The following PTPRG variants were observed in gnomAD, a reference collection of about 807,000 sequenced individuals.
The protein encoded by PTPRG is receptor-type tyrosine-protein phosphatase gamma.
A neutral mutation model predicts 165.3 loss-of-function variants in PTPRG; 102 were observed. The observed-to-expected ratio is 0.62, with a 90% confidence interval of 0.53 to 0.73. The LOEUF (loss-of-function observed/expected upper bound fraction) is 0.73, where lower values mean the gene tolerates loss of function less well. PTPRG is among the 30% of genes least tolerant of loss of function. The pLI is 0.00. For synonymous variants in PTPRG, 675 were observed against 669.5 expected, an observed-to-expected ratio of 1.01 and a Z score of -0.13; for missense variants, 1,866 against 1,861.4, an observed-to-expected ratio of 1.00 and a Z score of -0.05.
chr3:62,178,136 AGGATGGATGGATGGATGGAT>A (rs66547961), intron 8 of PTPRG, among the ~76,000 whole-genome samples: 2 of 141,536 alleles, frequency 1.4e-5, no homozygotes, highest in Admixed American at 7.1e-5. Flanking sequence ...AATGGATGGG[AGGATGGATGGATGGATGGAT>A]GGATGGATGG....
chr3:62,056,692 A>C (rs960273601), intron 4 of PTPRG, among the ~76,000 whole-genome samples: 1 of 152,206 alleles, frequency 6.6e-6, no homozygotes, highest in Non-Finnish European at 1.5e-5. Flanking sequence ...AAATGTTCCC[A>C]GACATTACCA....
chr3:61,621,022 A>AGT (rs1311209297), intron 1 of PTPRG, among the ~76,000 whole-genome samples: 5,549 of 105,902 alleles, frequency 0.052, 366 homozygotes, highest in African/African-American at 0.13. Flanking sequence ...CCCATGCCCC[A>AGT]GTGTGTGTGT....
intron 1 of PTPRG, among the ~76,000 whole-genome samples, chr3:61,652,841 G>A (rs1045830105): frequency 1.3e-5 from 2 of 152,160 alleles, no homozygotes; most frequent in African/African-American, 2.4e-5. Flanking sequence ...TCTGGCAAGT[G>A]GGGGATTCTC....
chr3:62,003,619 C>T, intron 4 of PTPRG, 122 bp downstream of exon 4: 5 of 1,260,382 alleles, frequency 4.0e-6, no homozygotes, highest in Non-Finnish European at 5.4e-6. Context: ...CTTCCTCTCT[C>T]TGGAAACCCT....
At chr3:62,005,858 A>G (rs1342508540) in intron 4 of PTPRG, among the ~76,000 whole-genome samples, 1 of 151,844 alleles carries the variant, frequency 6.6e-6, no homozygotes, top group African/African-American at 2.4e-5. Flanking sequence ...GTGTGCCACC[A>G]TGCCTGGCTA....
At chr3:61,684,192 C>T (rs775719082) in intron 1 of PTPRG, among the ~76,000 whole-genome samples, 28 of 152,146 alleles carry the variant, frequency 1.8e-4, no homozygotes, top group Non-Finnish European at 4.0e-4. Flanking sequence ...GTAAGGTGGT[C>T]ACAACTTGTC....
intron 2 of PTPRG, among the ~76,000 whole-genome samples, chr3:61,899,499 C>T (rs1409911373): frequency 1.3e-5 from 2 of 152,128 alleles, no homozygotes; most frequent in Non-Finnish European, 2.9e-5. Flanking sequence ...TAAAAGGCCC[C>T]TTCAGGAGAG....
intron 2 of PTPRG, among the ~76,000 whole-genome samples, chr3:61,942,117 T>G (rs900364383): frequency 3.2e-4 from 48 of 147,928 alleles, no homozygotes; most frequent in Admixed American, 4.7e-4. Flanking sequence ...GAGATCGCGC[T>G]ACTACACTCC....
chr3:61,778,156 C>T (rs1303006846), intron 2 of PTPRG, among the ~76,000 whole-genome samples: 5 of 152,014 alleles, frequency 3.3e-5, no homozygotes, highest in Admixed American at 6.6e-5. Context: ...TTGGACAAAA[C>T]GCTCAGAAAA....
intron 14 of PTPRG, among the ~76,000 whole-genome samples, chr3:62,239,653 T>C (rs1701115229): frequency 6.6e-6 from 1 of 152,060 alleles, no homozygotes; most frequent in Non-Finnish European, 1.5e-5. Context: ...AGTCACTGTG[T>C]CTGGGCAGCG....
intron 1 of PTPRG, among the ~76,000 whole-genome samples, chr3:61,573,266 G>C (rs771237750): frequency 1.4e-4 from 22 of 152,124 alleles, no homozygotes; most frequent in Non-Finnish European, 2.1e-4. Context: ...GGGGACAAGG[G>C]GGGGAAAGCC....
chr3:61,921,902 T>C (rs1230100196), intron 2 of PTPRG, among the ~76,000 whole-genome samples: 1 of 152,224 alleles, frequency 6.6e-6, no homozygotes, highest in Non-Finnish European at 1.5e-5. Context: ...AACCATGCCT[T>C]AACATTTGTA....
intron 7 of PTPRG, among the ~76,000 whole-genome samples, chr3:62,167,070 G>A (rs1168575902): frequency 6.6e-6 from 1 of 152,108 alleles, no homozygotes; most frequent in African/African-American, 2.4e-5. Flanking sequence ...CGGCAGTCCT[G>A]TAAGAGATGT....
At chr3:61,827,705 G>C (rs759953161) in intron 2 of PTPRG, among the ~76,000 whole-genome samples, 3 of 151,930 alleles carry the variant, frequency 2.0e-5, no homozygotes, top group African/African-American at 7.3e-5. Context: ...TGCCTCATTA[G>C]GTTATACATA....
At chr3:61,982,517 G>A (rs1013869620) in intron 2 of PTPRG, among the ~76,000 whole-genome samples, 2 of 152,166 alleles carry the variant, frequency 1.3e-5, no homozygotes, top group Non-Finnish European at 2.9e-5. Context: ...ATCTTGCAGT[G>A]TGTGGATGGC....
At chr3:61,887,254 G>T (rs912505600) in intron 2 of PTPRG, among the ~76,000 whole-genome samples, 1 of 148,164 alleles carries the variant, frequency 6.7e-6, no homozygotes, top group Non-Finnish European at 1.5e-5. Flanking sequence ...AGTTGAAAAA[G>T]AAAATTCACA....
At chr3:61,603,746 A>G (rs945240994) in intron 1 of PTPRG, among the ~76,000 whole-genome samples, 6 of 152,106 alleles carry the variant, frequency 3.9e-5, no homozygotes, top group Admixed American at 6.6e-5. Flanking sequence ...CTTGCTGGCA[A>G]TCCTTGGCAT....
intron 8 of PTPRG, among the ~76,000 whole-genome samples, chr3:62,189,764 C>T (rs532303445): frequency 6.6e-6 from 1 of 152,272 alleles, no homozygotes; most frequent in African/African-American, 2.4e-5. Context: ...TGTAAAGCAC[C>T]AACCTGATTG....
At chr3:62,187,203 C>T (rs182491299) in intron 8 of PTPRG, among the ~76,000 whole-genome samples, 61 of 152,334 alleles carry the variant, frequency 4.0e-4, no homozygotes, top group Admixed American at 1.2e-3. Context: ...TACAACTCCA[C>T]GTACTAGTAA....
Sources: gnomAD v4.1 joint callset for allele counts (sites outside exome capture counted in the v4.1 genomes callset) on GRCh38, gnomAD v4.1.1 for gene constraint, MANE v1.5 for transcripts, NCBI Gene and HGNC (gene_info 2026-07-23, HGNC 2026-07-21) for gene names.